Variants in CACNA2D3 observed in about 807,000 individuals in gnomAD.
CACNA2D3 encodes the protein voltage-dependent calcium channel subunit alpha-2/delta-3.
Under a neutral mutation model 160.6 loss-of-function variants are expected in CACNA2D3, and 60 were observed. That is an observed-to-expected ratio of 0.37 (90% CI 0.30 to 0.46). The LOEUF (loss-of-function observed/expected upper bound fraction) is 0.46. Ranked by LOEUF, CACNA2D3 falls within the 20% of genes least tolerant of loss-of-function variation. The pLI is 1.00. For synonymous variants in CACNA2D3, 558 were observed against 492.9 expected (o/e 1.13, Z -1.75); for missense variants, 1,205 against 1,365.0 (o/e 0.88, Z 1.85).
intron 2 of CACNA2D3, among the ~76,000 whole-genome samples, chr3:54,302,997 G>A (rs2107491590): frequency 1.3e-5 from 2 of 152,016 alleles, no homozygotes; most frequent in South Asian, 4.2e-4. Flanking sequence ...CTTGTCTCTG[G>A]TCTTTCCCTC....
intron 4 of CACNA2D3, among the ~76,000 whole-genome samples, chr3:54,415,663 C>T (rs1209188287): frequency 6.6e-6 from 1 of 152,150 alleles, no homozygotes; most frequent in Non-Finnish European, 1.5e-5. Flanking sequence ...ATAAGTCCTT[C>T]ACAGACATTA....
chr3:54,872,174 A>T (rs555317149), intron 18 of CACNA2D3, among the ~76,000 whole-genome samples: 2 of 152,092 alleles, frequency 1.3e-5, no homozygotes, highest in African/African-American at 2.4e-5. Flanking sequence ...CCTTGCTGCA[A>T]TTGCACCCCA....
chr3:54,207,227 G>T (rs1309568294), intron 2 of CACNA2D3, among the ~76,000 whole-genome samples: 1 of 141,134 alleles, frequency 7.1e-6, no homozygotes, highest in Non-Finnish European at 1.5e-5. Flanking sequence ...TGTATGCATG[G>T]CAACAAATTA....
intron 5 of CACNA2D3, among the ~76,000 whole-genome samples, chr3:54,510,427 T>C (rs900186581): frequency 1.3e-5 from 2 of 152,046 alleles, no homozygotes; most frequent in African/African-American, 4.8e-5. Flanking sequence ...TGTTCTAGAG[T>C]CAGGTCCAGG....
chr3:54,458,887 G>T (rs1202401465), intron 4 of CACNA2D3, among the ~76,000 whole-genome samples: 1 of 151,750 alleles, frequency 6.6e-6, no homozygotes, highest in African/African-American at 2.4e-5. Context: ...TCGTCATTTA[G>T]CATTAGGTAT....
At chr3:54,737,107 A>G (rs561930819) in intron 11 of CACNA2D3, among the ~76,000 whole-genome samples, 3 of 152,164 alleles carry the variant, frequency 2.0e-5, no homozygotes, top group South Asian at 4.2e-4. Flanking sequence ...GGTATTTGCT[A>G]TGGATTAGCA....
chr3:54,861,969 A>G (rs149318789), intron 17 of CACNA2D3, among the ~76,000 whole-genome samples: 5 of 152,320 alleles, frequency 3.3e-5, no homozygotes, highest in East Asian at 3.9e-4. Flanking sequence ...AACATTTTTA[A>G]AAAGACATAT....
intron 10 of CACNA2D3, 73 bp from the exon 11 acceptor site, chr3:54,642,055 A>G: frequency 7.7e-6 from 7 of 907,602 alleles, no homozygotes; most frequent in Middle Eastern, 2.2e-4. Flanking sequence ...CCCAGGTCTC[A>G]TGTCTCTGAT....
chr3:54,868,863 C>T (rs1291073193), intron 17 of CACNA2D3, among the ~76,000 whole-genome samples: 1 of 152,236 alleles, frequency 6.6e-6, no homozygotes, highest in South Asian at 2.1e-4. Context: ...GCATGACTCT[C>T]AGGAATCTTG....
intron 25 of CACNA2D3, among the ~76,000 whole-genome samples, chr3:54,896,365 G>C (rs1700188553): frequency 6.6e-6 from 1 of 152,208 alleles, no homozygotes; most frequent in African/African-American, 2.4e-5. Context: ...TTAAGGAGTT[G>C]ATTCTCCCAA....
At chr3:54,373,167 A>AC (rs1698955009) in intron 3 of CACNA2D3, among the ~76,000 whole-genome samples, 1 of 152,198 alleles carries the variant, frequency 6.6e-6, no homozygotes, top group Non-Finnish European at 1.5e-5. Context: ...CCCTGAAGCC[A>AC]CCAGTGTCGT....
intron 35 of CACNA2D3, among the ~76,000 whole-genome samples, chr3:55,022,260 G>A (rs1414178120): frequency 6.6e-6 from 1 of 151,928 alleles, no homozygotes; most frequent in Non-Finnish European, 1.5e-5. Context: ...TGTCTATTTG[G>A]TTTGCTAATA....
chr3:54,455,166 C>T (rs1700375577), intron 4 of CACNA2D3, among the ~76,000 whole-genome samples: 1 of 152,048 alleles, frequency 6.6e-6, no homozygotes, highest in African/African-American at 2.4e-5. Flanking sequence ...TTTGAAGAAC[C>T]TCCATACTGT....
chr3:54,689,396 A>G (rs1419965362), intron 11 of CACNA2D3, among the ~76,000 whole-genome samples: 2 of 151,980 alleles, frequency 1.3e-5, no homozygotes, highest in South Asian at 2.1e-4. Context: ...TTTCAATTCC[A>G]TCTACATGTT....
At chr3:54,856,060 C>T (rs1248346895) in intron 17 of CACNA2D3, among the ~76,000 whole-genome samples, 1 of 152,206 alleles carries the variant, frequency 6.6e-6, no homozygotes, top group East Asian at 1.9e-4. Context: ...CACATCTGCT[C>T]CTCTGTGCTG....
intron 9 of CACNA2D3, among the ~76,000 whole-genome samples, chr3:54,601,962 C>A (rs76329755): frequency 2.0e-5 from 3 of 151,998 alleles, no homozygotes; most frequent in East Asian, 3.9e-4. Context: ...ATACTGTTTT[C>A]TTATTTGAGC....
intron 10 of CACNA2D3, among the ~76,000 whole-genome samples, chr3:54,631,203 A>ACAC (rs1699230352): frequency 2.7e-5 from 4 of 145,774 alleles, no homozygotes; most frequent in Non-Finnish European, 4.5e-5. Context: ...GACTCCATCA[A>ACAC]ACACACACAC....
At chr3:54,810,988 C>A (rs1166562855) in intron 13 of CACNA2D3, among the ~76,000 whole-genome samples, 1 of 152,162 alleles carries the variant, frequency 6.6e-6, no homozygotes, top group African/African-American at 2.4e-5. Flanking sequence ...TGCGCTGGTC[C>A]CATCTCATCA....
intron 13 of CACNA2D3, among the ~76,000 whole-genome samples, chr3:54,772,914 C>G (rs1052036149): frequency 6.6e-6 from 1 of 152,192 alleles, no homozygotes; most frequent in African/African-American, 2.4e-5. Context: ...ATCAGCATTC[C>G]TGATCAGCCC....
Sources: allele counts gnomAD v4.1 joint callset (sites outside exome capture counted in the v4.1 genomes callset), GRCh38; gene constraint gnomAD v4.1.1; transcripts MANE v1.5; gene names NCBI Gene and HGNC (gene_info 2026-07-23, HGNC 2026-07-21).